Variants in ARID1A observed in about 807,000 individuals in gnomAD.
ARID1A encodes AT-rich interactive domain-containing protein 1A.
In ARID1A, 20 loss-of-function variants were observed where a neutral mutation model predicts 212.6. The ratio of observed to expected loss-of-function variants is 0.09; its 90% CI spans 0.07 to 0.14. ARID1A has a LOEUF of 0.14. Ranked by LOEUF, ARID1A falls within the 10% of genes least tolerant of loss-of-function variation. The pLI, the probability that ARID1A is intolerant of heterozygous loss-of-function variation, is 1.00. For missense variants in ARID1A, 2,587 were observed against 3,059.0 expected, an observed-to-expected ratio of 0.85 and a Z score of 3.64; for synonymous variants, 1,376 against 1,222.1, an observed-to-expected ratio of 1.13 and a Z score of -2.63.
chr1:26,697,078 C>T lies in ARID1A; in HGVS notation c.675C>T (p.Pro225=), dbSNP rs779476219. Residue 225 remains proline (P), a synonymous_variant, in exon 1 of 20, where the codon CCC becomes CCT. Coordinates refer to ENST00000324856, the MANE Select transcript of ARID1A (RefSeq NM_006015.6). ...CCAACCGCAGCGCCTACCCCCCGCC[C>T]GCCCCGGCCTACGCGCTGAGCTCCC... ...YYPNRSAYPP[P]APAYALSSPR... is the part of the protein sequence containing the mutation. 40 of 1,497,260 alleles carry T rather than the reference C, an allele frequency of 2.7e-5. No individual in the cohort carries two copies. The highest frequency in any genetic ancestry group is 3.5e-6 in the Non-Finnish European group (4 of 1,128,414). The allele number at this position is 1,497,260 out of a possible 1,614,324, so 92.7% of individuals were successfully genotyped here. A position where few individuals can be genotyped will look rare whatever the true frequency, so the allele number is the denominator to read the frequency against.
At position 26,779,347 on chromosome 1, in the gene ARID1A, G is replaced by C. The variant is rs375250508; in HGVS notation, c.5449G>C (p.Val1817Leu). 1.9e-6 allele frequency: 3 copies of C among 1,614,230 alleles called. No individual in the cohort carries two copies. The highest frequency in any genetic ancestry group is 2.7e-5 in the African/African-American group (2 of 75,064). Residue 1817 changes from valine (V) to leucine (L), a missense_variant, in exon 20 of 20, where the codon GTA (valine) becomes CTA (leucine). Val to Leu is a conservative substitution (Grantham distance 32). Around this residue, in one of 11 missense-constraint regions of ARID1A, gnomAD observed 890 missense variants for 1,098.2 expected, o/e 0.81. Coordinates refer to ENST00000324856, the MANE Select transcript of ARID1A (RefSeq NM_006015.6). Reference protein sequence around the residue: ...SKFDKLPVKIVQKNDPFVVDC... With the variant: ...SKFDKLPVKILQKNDPFVVDC... ...GTTTGACAAGCTTCCAGTAAAGATC[G>C]TACAGAAGAATGATCCATTTGTGGT... is the stretch of plus-strand genomic sequence containing the variant.
chr1:26,696,723 CG>C lies in ARID1A; in HGVS notation c.323del (p.Gly108AlafsTer6). ...EPDLKNSNGN[A>X]GPRPALNNNL... Reference sequence around the variant, plus strand: ...GACCTGAAGAACTCGAACGGGAACGCGGGCCCTAGGCCCGCCCTGAACAATA... The same window carrying C: ...GACCTGAAGAACTCGAACGGGAACGCGGCCCTAGGCCCGCCCTGAACAATA... On this transcript the variant is annotated frameshift_variant, in exon 1 of 20. Transcript: ENST00000324856. LOFTEE classifies it high-confidence loss of function. 1 of 1,369,862 alleles carries C rather than the reference CG, an allele frequency of 7.3e-7. No individual in the cohort carries two copies. Among genetic ancestry groups the C allele is most frequent in the Non-Finnish European group, 9.4e-7 (1 of 1,061,974 alleles). 84.9% of individuals were successfully genotyped at this position (1,369,862 alleles called of 1,614,324 possible).
chr1:26,725,853 T>C (rs918723683), intron 1 of ARID1A, among the ~76,000 whole-genome samples: 4 of 103,762 alleles, frequency 3.9e-5, no homozygotes, highest in African/African-American at 6.3e-5. Flanking sequence ...GGTATAAACC[T>C]TTTTTTTTTT....
At chr1:26,714,570 C>A (rs2080483804) in intron 1 of ARID1A, among the ~76,000 whole-genome samples, 1 of 152,074 alleles carries the variant, frequency 6.6e-6, no homozygotes, top group Non-Finnish European at 1.5e-5. Flanking sequence ...AGGTGTGTCA[C>A]CATGCCGGGC....
At position 26,696,381 on chromosome 1, in the gene ARID1A, C is replaced by T. The variant is rs1275900226; in HGVS notation, c.-23C>T. 2.4e-6 allele frequency: 3 copies of T among 1,247,938 alleles called. No homozygotes were observed. The highest frequency in any genetic ancestry group is 3.3e-5 in the East Asian group (1 of 30,210). The allele number at this position is 1,247,938 out of a possible 1,614,324, so 77.3% of individuals were successfully genotyped here. On this transcript the variant is annotated 5_prime_UTR_variant, in exon 1 of 20. Transcript: ENST00000324856. ...AAGACGAAGACAGGGCCGGGTCTCTCCGCGGACGAGACAGCGGGGATCATG... is the reference window on the plus strand; with the variant it reads ...AAGACGAAGACAGGGCCGGGTCTCTTCGCGGACGAGACAGCGGGGATCATG...
intron 1 of ARID1A, among the ~76,000 whole-genome samples, chr1:26,705,158 A>G (rs1019003555): frequency 2.0e-5 from 3 of 147,552 alleles, no homozygotes; most frequent in Non-Finnish European, 4.5e-5. Flanking sequence ...TTTTTTTTTG[A>G]GATGGAGTCT....
At chr1:26,764,610 AT>A (rs1451100449) in intron 8 of ARID1A, 1 of 152,166 alleles carries the variant, frequency 6.6e-6, no homozygotes, top group African/African-American at 2.4e-5. Flanking sequence ...GAATAGGGCG[AT>A]TGACTATAAA....
At chr1:26,750,799 A>C (rs1037457878) in intron 4 of ARID1A, among the ~76,000 whole-genome samples, 4 of 152,056 alleles carry the variant, frequency 2.6e-5, no homozygotes, top group Non-Finnish European at 5.9e-5. Context: ...CCCTCCCCAC[A>C]GCCCTCTGTC....
intron 1 of ARID1A, among the ~76,000 whole-genome samples, chr1:26,711,833 A>G (rs765706261): frequency 6.6e-6 from 1 of 152,178 alleles, no homozygotes; most frequent in African/African-American, 2.4e-5. Context: ...CTGTAATCCA[A>G]GCACTTTGGG....
chr1:26,769,914 A>T (rs2081069069), intron 11 of ARID1A: 1 of 152,424 alleles, frequency 6.6e-6, no homozygotes, highest in Non-Finnish European at 1.5e-5. Context: ...GAGGTACAAA[A>T]GTCATAATAA....
intron 1 of ARID1A, among the ~76,000 whole-genome samples, chr1:26,722,098 C>T (rs1005112877): frequency 1.3e-5 from 2 of 152,096 alleles, no homozygotes; most frequent in Admixed American, 6.5e-5. Flanking sequence ...TGGTTGCAAG[C>T]GCCTTCCTGG....
At chr1:26,775,894 T>A (rs1224037059) in intron 19 of ARID1A, 187 bp downstream of exon 19, 1 of 848,658 alleles carries the variant, frequency 1.2e-6, no homozygotes, top group Non-Finnish European at 1.9e-6. Flanking sequence ...ATAATTTGTT[T>A]ACATGATAAC....
At chr1:26,752,108 A>C (rs1277389884) in intron 4 of ARID1A, among the ~76,000 whole-genome samples, 6 of 152,188 alleles carry the variant, frequency 3.9e-5, no homozygotes. Context: ...TGTAGGTGAT[A>C]GGGCTTGGTC....
intron 1 of ARID1A, among the ~76,000 whole-genome samples, chr1:26,717,949 TTTTG>T (rs528334798): frequency 4.6e-5 from 7 of 152,202 alleles, no homozygotes; most frequent in African/African-American, 1.7e-4. Context: ...GGAACAGTTT[TTTTG>T]TTTGTTTTTG....
intron 8 of ARID1A, chr1:26,765,976 A>G: frequency 2.2e-6 from 1 of 449,178 alleles, no homozygotes; most frequent in South Asian, 3.7e-5. Context: ...CAGGAGATTA[A>G]GGCTGCAGTA....
intron 4 of ARID1A, among the ~76,000 whole-genome samples, chr1:26,750,290 T>G (rs1239043194): frequency 6.6e-6 from 1 of 152,206 alleles, no homozygotes; most frequent in African/African-American, 2.4e-5. Context: ...CAAAACTGTT[T>G]TCATCTTGGA....
chr1:26,728,913 T>C (rs2080645885), intron 1 of ARID1A: 1 of 152,160 alleles, frequency 6.6e-6, no homozygotes. Flanking sequence ...TACCTGTGAA[T>C]TGAATTTTGA....
At chr1:26,732,418 G>T (rs1570576893) in intron 3 of ARID1A, among the ~76,000 whole-genome samples, 1 of 152,202 alleles carries the variant, frequency 6.6e-6, no homozygotes, top group African/African-American at 2.4e-5. Flanking sequence ...CTTGAAGTTG[G>T]CCAGACATTA....
At chr1:26,773,107 C>T (rs1337537432) in intron 14 of ARID1A, 120 bp downstream of exon 14, 1 of 1,364,900 alleles carries the variant, frequency 7.3e-7, no homozygotes, top group Non-Finnish European at 1.0e-6. Context: ...AATGCATTTC[C>T]TGCCCTAACT....
Sources: gnomAD v4.1 joint callset for allele counts (sites outside exome capture counted in the v4.1 genomes callset) on GRCh38, gnomAD v4.1.1 for gene constraint, gnomAD v4.1.1 regional missense constraint, MANE v1.5 for transcripts, NCBI Gene and HGNC (gene_info 2026-07-23, HGNC 2026-07-21) for gene names.